The following POLE variants were observed in gnomAD, a reference collection of about 807,000 sequenced individuals.
POLE encodes DNA polymerase epsilon, catalytic subunit.
In POLE, 188 loss-of-function variants were observed where a neutral mutation model predicts 279.2. That is an observed-to-expected ratio of 0.67 (90% CI 0.60 to 0.76). The LOEUF (loss-of-function observed/expected upper bound fraction) is 0.76, where lower values mean the gene tolerates loss of function less well. Among genes scored for constraint, POLE ranks in the 30% least tolerant of loss-of-function variants. POLE has a pLI of 0.00. For synonymous variants in POLE, 1,214 were observed against 1,172.5 expected, an observed-to-expected ratio of 1.04 and a Z score of -0.72; for missense variants, 2,703 against 3,016.7, an observed-to-expected ratio of 0.90 and a Z score of 2.44.
At position 132,642,614 on chromosome 12, in the gene POLE, T is replaced by C. The variant is rs2042174030; in HGVS notation, c.4844A>G (p.Asp1615Gly). 2 of 1,613,534 alleles carry C rather than the reference T, an allele frequency of 1.2e-6. No individual in the cohort carries two copies. The highest frequency in any genetic ancestry group is 4.5e-5 in the East Asian group (2 of 44,878). The change falls in exon 37 of 49, where the codon GAC becomes GGC. Residue 1615 changes from aspartate (D) to glycine (G), a missense_variant. Asp to Gly is a moderately conservative substitution (Grantham distance 94). Around this residue, in one of 5 missense-constraint regions of POLE, gnomAD observed 1,551 missense variants for 1,686.1 expected, o/e 0.92. Coordinates refer to ENST00000320574, the MANE Select transcript of POLE (RefSeq NM_006231.4). ...EFPLVPICVA[D>G]KINYGVLDWQ... ...GTCCAGGACCCCATAGTTGATCTTG[T>C]CAGCCACACAGATAGGCACCAGTGG...
chr12:132,652,696 C>T (rs2042448979), intron 29 of POLE, among the ~76,000 whole-genome samples: 1 of 152,292 alleles, frequency 6.6e-6, no homozygotes. Context: ...CAGCATCACT[C>T]ACTGCAGTCC....
rs761410440 is a variant in POLE, at chr12:132,632,645, A to G, written c.6136+19T>C. ...CACTGGCACATGGCAGTGGCCTCAA[A>G]AGACAAAAGACTGCTCACCGGGAAG... On this transcript the variant is annotated intron_variant, in intron 44 of 48. Coordinates refer to ENST00000320574, the MANE Select transcript of POLE (RefSeq NM_006231.4). 5.0e-6 allele frequency: 8 copies of G among 1,613,862 alleles called. No individual in the cohort carries two copies. Among genetic ancestry groups the G allele is most frequent in the Non-Finnish European group, 6.8e-6 (8 of 1,179,958 alleles).
chr12:132,653,894 T>A (rs1222547985), intron 29 of POLE, among the ~76,000 whole-genome samples: 1 of 152,236 alleles, frequency 6.6e-6, no homozygotes, highest in African/African-American at 2.4e-5. Flanking sequence ...TTTTACCGCA[T>A]GTTGTTTCTG....
rs957071235 is a variant in POLE at position 132,624,624 on chromosome 12, G to A, written c.*73C>T. The A allele has an allele frequency of 3.9e-5, 34 of 877,934 alleles. No homozygotes were observed. The highest frequency in any genetic ancestry group is 5.9e-5 in the Non-Finnish European group (30 of 510,414). The allele number at this position is 877,934 out of a possible 1,614,324, so 54.4% of individuals were successfully genotyped here. Reference sequence around the variant, plus strand: ...CAGGGTGGTCAGTGGTCTGGTCACTGGAAGCACGGGGATGTGGCCTTGGCA... The same window carrying A: ...CAGGGTGGTCAGTGGTCTGGTCACTAGAAGCACGGGGATGTGGCCTTGGCA... On this transcript the variant is annotated 3_prime_UTR_variant, in exon 49 of 49. Transcript: ENST00000320574.
chr12:132,625,572 C>A, intron 47 of POLE, 73 bp downstream of exon 47: 5 of 1,583,024 alleles, frequency 3.2e-6, no homozygotes, highest in Non-Finnish European at 4.3e-6. Flanking sequence ...TGCACACACC[C>A]CGGCTCCCGG....
At position 132,642,949 on chromosome 12, in the gene POLE, C is replaced by G. The variant is rs1593732626; in HGVS notation, c.4599G>C (p.Glu1533Asp). The change falls in exon 36 of 49, where the codon GAG becomes GAC. Residue 1533 changes from glutamate to aspartate, a missense_variant. Physicochemically the swap from Glu to Asp is conservative, Grantham distance 45. Coordinates refer to ENST00000320574, the MANE Select transcript of POLE (RefSeq NM_006231.4). The stretch of plus-strand genomic sequence containing the variant: ...CCACCTTCTCCAGGAGGAGGCCGTG[C>G]TCTGCTGAGTACAGGGCGCCAAGGC... The part of the protein sequence containing the change: ...MPSLGALYSA[E>D]HGLLLEKVGP... The G allele has an allele frequency of 2.5e-6, 4 of 1,611,256 alleles. No individual in the cohort carries two copies. The highest frequency in any genetic ancestry group is 3.4e-6 in the Non-Finnish European group (4 of 1,179,174).
rs777262876 is a variant in POLE, at chr12:132,657,114, A to G, written c.3582+22T>C. ...GTGTCACAAGGATCCCGCCCAGCCC[A>G]GCCTTGGGGCCCCACCGTCACCTGT... is the stretch of plus-strand genomic sequence containing the variant. On this transcript the variant is annotated intron_variant, in intron 29 of 48. Transcript: ENST00000320574. The G allele has an allele frequency of 3.7e-6, 6 of 1,613,162 alleles. No individual in the cohort carries two copies. The East Asian group carries it at 1.3e-4, about 36-fold the overall frequency.
At chr12:132,672,370 C>G (rs747368711) in intron 15 of POLE, 48 bp from the exon 16 acceptor site, 1 of 1,460,382 alleles carries the variant, frequency 6.8e-7, no homozygotes, top group South Asian at 1.1e-5. Flanking sequence ...CACACCCACA[C>G]TAGCCTGCCT....
At chr12:132,672,972 C>A (rs976162267) in intron 14 of POLE, 133 bp from the exon 15 acceptor site, 3 of 862,200 alleles carry the variant, frequency 3.5e-6, no homozygotes, top group African/African-American at 3.4e-5. Flanking sequence ...GCAAATTCTG[C>A]CTCCTGTGGT....
Position 132,664,488 on chromosome 12 carries a change from G to C in POLE, c.2469-26C>G. Reference sequence around the variant, plus strand: ...CTGAGAGGACACCACAAACTGGTGGGTGGGGCTGGCATGGCTCCTCCAGGG... The same window carrying C: ...CTGAGAGGACACCACAAACTGGTGGCTGGGGCTGGCATGGCTCCTCCAGGG... On this transcript the variant is annotated intron_variant, in intron 21 of 48. Coordinates refer to ENST00000320574, the MANE Select transcript of POLE (RefSeq NM_006231.4). The surrounding 1 kb of genome is among the most constrained non-coding windows in gnomAD (Gnocchi z 5.3). The C allele has an allele frequency of 6.3e-7, 1 of 1,589,704 alleles. No homozygotes were observed. Among genetic ancestry groups the C allele is most frequent in the South Asian group, 1.1e-5 (1 of 90,608 alleles).
Position 132,675,373 on chromosome 12 carries a change from A to T in POLE, c.1226+25T>A, listed in dbSNP as rs2136008052. On this transcript the variant is annotated intron_variant, in intron 12 of 48. Coordinates refer to ENST00000320574, the MANE Select transcript of POLE (RefSeq NM_006231.4). This position sits in a 1 kb window ranked among gnomAD's most constrained non-coding sequence, Gnocchi z 4.3. The stretch of plus-strand genomic sequence containing the variant: ...ATCTCGCTCACGGACAGCAGTGAGG[A>T]GCCATGCTGCTCTGTGGCCCCTACC... The T allele has an allele frequency of 6.2e-7, 1 of 1,611,678 alleles. No individual in the cohort carries two copies. The highest frequency in any genetic ancestry group is 1.1e-5 in the South Asian group (1 of 90,734).
chr12:132,652,774 A>C (rs938648159), intron 29 of POLE, among the ~76,000 whole-genome samples: 2 of 152,230 alleles, frequency 1.3e-5, no homozygotes, highest in African/African-American at 2.4e-5. Context: ...CTAGGCTCCC[A>C]ATCGGCTCTA....
chr12:132,629,457 G>A (rs190572643), intron 45 of POLE, among the ~76,000 whole-genome samples: 7 of 152,316 alleles, frequency 4.6e-5, no homozygotes, highest in Admixed American at 3.3e-4. Flanking sequence ...ATCCCAGACA[G>A]ATCTTCTGGA....
intron 32 of POLE, among the ~76,000 whole-genome samples, chr12:132,647,634 A>G (rs2042315788): frequency 6.6e-6 from 1 of 152,162 alleles, no homozygotes; most frequent in Non-Finnish European, 1.5e-5. Flanking sequence ...GACACCATCC[A>G]GTCAAACGTT....
At chr12:132,632,182 T>C (rs2041945748) in intron 45 of POLE, 133 bp downstream of exon 45, 1 of 689,050 alleles carries the variant, frequency 1.5e-6, no homozygotes, top group African/African-American at 1.8e-5. Flanking sequence ...GGTATGTCGG[T>C]GTCCTTATCT....
Position 132,635,945 on chromosome 12 carries a change from A to G in POLE, c.5758T>C (p.Ser1920Pro), listed in dbSNP as rs1565930031. The change falls in exon 42 of 49, where the codon TCT (serine) becomes CCT (proline). Residue 1920 changes from serine (S) to proline (P), a missense_variant. Coordinates refer to ENST00000320574, the MANE Select transcript of POLE (RefSeq NM_006231.4). The part of the protein sequence containing the change: ...CWEFLLWMDP[S>P]NYGGIKGKVS... ...TTTCCTTTGATTCCGCCATAGTTAGATGGATCCATCCAGAGAAGAAATTCC... is the reference window on the plus strand; with the variant it reads ...TTTCCTTTGATTCCGCCATAGTTAGGTGGATCCATCCAGAGAAGAAATTCC... The G allele has an allele frequency of 1.2e-6, 2 of 1,614,056 alleles. No individual in the cohort carries two copies. Among genetic ancestry groups the G allele is most frequent in the Non-Finnish European group, 1.7e-6 (2 of 1,179,922 alleles).
At chr12:132,665,172 C>G in intron 21 of POLE, 130 bp downstream of exon 21, 4 of 1,016,026 alleles carry the variant, frequency 3.9e-6, no homozygotes, top group Non-Finnish European at 5.8e-6. Context: ...CAGCCCAAAG[C>G]CTTCTCCCTC....
chr12:132,663,625 C>G (rs1011637546), intron 23 of POLE, among the ~76,000 whole-genome samples: 1 of 152,174 alleles, frequency 6.6e-6, no homozygotes, highest in Non-Finnish European at 1.5e-5. Context: ...CAGGTGAGGC[C>G]TGCAGTGCAG....
rs1593775979 is a variant in POLE, at chr12:132,661,041, G to T, written c.2988C>A (p.Gly996=). 4 of 1,614,042 alleles carry T rather than the reference G, an allele frequency of 2.5e-6. No individual in the cohort carries two copies. Among genetic ancestry groups the T allele is most frequent in the Non-Finnish European group, 3.4e-6 (4 of 1,179,992 alleles). The change falls in exon 25 of 49, where the codon GGC becomes GGA. Residue 996 remains glycine (G), a synonymous_variant. Coordinates refer to ENST00000320574, the MANE Select transcript of POLE (RefSeq NM_006231.4). This position sits in a 1 kb window ranked among gnomAD's most constrained non-coding sequence, Gnocchi z 4.1. Reference sequence around the variant, plus strand: ...AGCCATACACCTCTTCCAGCGTGCTGCCCTTGAGGAAGGCCTCAAACACCG... The same window carrying T: ...AGCCATACACCTCTTCCAGCGTGCTTCCCTTGAGGAAGGCCTCAAACACCG... ...QSSVFEAFLK[G]STLEEVYGSV... is the part of the protein sequence containing the mutation.
Sources: allele counts gnomAD v4.1 joint callset (sites outside exome capture counted in the v4.1 genomes callset), GRCh38; gene constraint gnomAD v4.1.1; regional missense constraint gnomAD v4.1.1; non-coding constraint Gnocchi (gnomAD v3.1); transcripts MANE v1.5; gene names NCBI Gene and HGNC (gene_info 2026-07-23, HGNC 2026-07-21).